HTR2C: variants seen among roughly 807,000 people sequenced by gnomAD.
HTR2C encodes 5-hydroxytryptamine (serotonin) receptor 2C, G protein-coupled.
Under a neutral mutation model 21.0 loss-of-function variants are expected in HTR2C, and 5 were observed. The observed-to-expected ratio is 0.24, with a 90% CI of 0.12 to 0.50. The LOEUF (loss-of-function observed/expected upper bound fraction) is 0.50. Ranked by LOEUF, HTR2C falls within the 20% of genes least tolerant of loss-of-function variation. The probability of loss-of-function intolerance (pLI) is 0.98; values close to 1 mark genes in which losing one functional copy is unlikely to be tolerated. For missense variants in HTR2C, 271 were observed against 371.2 expected (o/e 0.73, Z 2.22); for synonymous variants, 150 against 145.3 (o/e 1.03, Z -0.23).
intron 4 of HTR2C, among the ~76,000 whole-genome samples, chrX:114,839,614 G>A (rs2070816634): frequency 9.0e-6 from 1 of 111,289 alleles, no homozygotes; most frequent in Non-Finnish European, 1.9e-5. Flanking sequence ...TTGAGTCTGG[G>A]AGGTGGAGAT....
intron 4 of HTR2C, among the ~76,000 whole-genome samples, chrX:114,764,443 A>G (rs1211662370): frequency 9.0e-6 from 1 of 110,898 alleles, no homozygotes; most frequent in African/African-American, 3.3e-5. Flanking sequence ...CAACTTTTAC[A>G]TATTAATTAC....
At chrX:114,846,972 TAC>T (rs2070878510) in intron 4 of HTR2C, among the ~76,000 whole-genome samples, 1 of 112,079 alleles carries the variant, frequency 8.9e-6, no homozygotes, top group South Asian at 3.7e-4. Context: ...TGTAGTTCTA[TAC>T]ACAGTGATGA....
At chrX:114,724,862 G>A (rs1392920934) in intron 2 of HTR2C, among the ~76,000 whole-genome samples, 2 of 102,017 alleles carry the variant, frequency 2.0e-5, no homozygotes, top group Admixed American at 1.1e-4. Flanking sequence ...CTTCTGGCTT[G>A]TGGAGTTTCT....
chrX:114,627,791 A>T (rs1414215074), intron 2 of HTR2C, among the ~76,000 whole-genome samples: 1 of 112,198 alleles, frequency 8.9e-6, no homozygotes, highest in Non-Finnish European at 1.9e-5. Flanking sequence ...TAGTAAAAGC[A>T]AGCAAAAGAG....
intron 5 of HTR2C, among the ~76,000 whole-genome samples, chrX:114,886,675 T>C (rs2071222434): frequency 9.0e-6 from 1 of 111,157 alleles, no homozygotes; most frequent in Non-Finnish European, 1.9e-5. Flanking sequence ...ATGATACATA[T>C]CACATCAATA....
chrX:114,748,923 G>C (rs1490320606), intron 4 of HTR2C, among the ~76,000 whole-genome samples: 4 of 111,267 alleles, frequency 3.6e-5, no homozygotes, highest in African/African-American at 1.3e-4. Context: ...TTGAACAACA[G>C]GATTGAGCCA....
chrX:114,629,921 T>C, intron 2 of HTR2C, among the ~76,000 whole-genome samples: 1 of 111,212 alleles, frequency 9.0e-6, no homozygotes, highest in Non-Finnish European at 1.9e-5. Context: ...TAGTGCTTGG[T>C]TCATAAAATT....
rs1299913695 is a variant in HTR2C, at chrX:114,775,361, A to G, written c.349+43754A>G. The G allele has an allele frequency of 1.1e-5, 6 of 532,655 alleles. No homozygotes were observed. The Admixed American group carries it at 1.1e-4, about 10-fold the overall frequency. The allele number at this position is 532,655 out of a possible 1,213,427, so 43.9% of individuals were successfully genotyped here. A position where few individuals can be genotyped will look rare whatever the true frequency, so the allele number is the denominator to read the frequency against. On this transcript the variant is annotated intron_variant, in intron 4 of 5. Coordinates refer to ENST00000276198, the MANE Select transcript of HTR2C (RefSeq NM_000868.4). ...AAGTGACTTCAATCTGAGGAACACCATGGGGTGCAGAAGGTATGCCTGTGA... is the reference window on the plus strand; with the variant it reads ...AAGTGACTTCAATCTGAGGAACACCGTGGGGTGCAGAAGGTATGCCTGTGA...
At chrX:114,837,838 T>A (rs1243558704) in intron 4 of HTR2C, among the ~76,000 whole-genome samples, 2 of 111,578 alleles carry the variant, frequency 1.8e-5, no homozygotes, top group Non-Finnish European at 3.8e-5. Flanking sequence ...TCTTGTCCAA[T>A]TTCTAAATTT....
At chrX:114,644,654 G>A (rs1167843257) in intron 2 of HTR2C, among the ~76,000 whole-genome samples, 7 of 107,605 alleles carry the variant, frequency 6.5e-5, no homozygotes, top group Admixed American at 1.0e-4. Flanking sequence ...GGATCTGAAC[G>A]TTTTGGTGCT....
intron 4 of HTR2C, among the ~76,000 whole-genome samples, chrX:114,766,463 C>T (rs1258533601): frequency 1.8e-5 from 2 of 110,950 alleles, no homozygotes; most frequent in African/African-American, 6.5e-5. Context: ...TCTAAGTGAA[C>T]ATAAAAGAAA....
chrX:114,747,807 A>G (rs1447742390), intron 4 of HTR2C, among the ~76,000 whole-genome samples: 5 of 112,357 alleles, frequency 4.5e-5, no homozygotes, highest in African/African-American at 1.3e-4. Flanking sequence ...CAGGCCTTCA[A>G]TCCAAAAGCC....
At chrX:114,610,168 G>A (rs1018423188) in intron 1 of HTR2C, among the ~76,000 whole-genome samples, 1 of 111,427 alleles carries the variant, frequency 9.0e-6, no homozygotes, top group African/African-American at 3.3e-5. Flanking sequence ...CATGAATATC[G>A]AAAAGAGTGC....
intron 1 of HTR2C, among the ~76,000 whole-genome samples, chrX:114,590,165 C>A (rs942181125): frequency 9.0e-6 from 1 of 111,344 alleles, no homozygotes; most frequent in Non-Finnish European, 1.9e-5. Context: ...GTAGAAAAAC[C>A]ATATCTGAGT....
At chrX:114,646,479 A>G (rs1930364610) in intron 2 of HTR2C, among the ~76,000 whole-genome samples, 1 of 112,539 alleles carries the variant, frequency 8.9e-6, no homozygotes, top group Admixed American at 9.5e-5. Context: ...TTTCTAAGAT[A>G]TATATGTTGC....
intron 2 of HTR2C, among the ~76,000 whole-genome samples, chrX:114,721,824 T>G (rs1933228890): frequency 9.1e-6 from 1 of 109,695 alleles, no homozygotes; most frequent in Non-Finnish European, 1.9e-5. Flanking sequence ...GATCAGATAG[T>G]TGTAGGTATG....
At chrX:114,785,124 A>T (rs187452594) in intron 4 of HTR2C, among the ~76,000 whole-genome samples, 1 of 112,148 alleles carries the variant, frequency 8.9e-6, no homozygotes, top group Admixed American at 9.5e-5. Context: ...ATGCTTTTAT[A>T]ATCATTAAAA....
chrX:114,606,291 T>C (rs1489467798), intron 1 of HTR2C, among the ~76,000 whole-genome samples: 1 of 109,068 alleles, frequency 9.2e-6, no homozygotes, highest in Admixed American at 9.7e-5. Flanking sequence ...AGAGAAGGGG[T>C]AGAGACAAGG....
At chrX:114,735,634 G>A (rs2069582867) in intron 4 of HTR2C, among the ~76,000 whole-genome samples, 1 of 106,236 alleles carries the variant, frequency 9.4e-6, no homozygotes, top group African/African-American at 3.4e-5. Flanking sequence ...CGAATGATAA[G>A]AATTAAATTA....
Sources: allele counts gnomAD v4.1 joint callset (sites outside exome capture counted in the v4.1 genomes callset), GRCh38; gene constraint gnomAD v4.1.1; transcripts MANE v1.5; gene names NCBI Gene and HGNC (gene_info 2026-07-23, HGNC 2026-07-21).